NMBR: variants seen among roughly 807,000 people sequenced by gnomAD.
NMBR encodes neuromedin-B receptor.
A neutral mutation model predicts 20.5 loss-of-function variants in NMBR; 16 were observed. The observed-to-expected ratio is 0.78, with a 90% CI of 0.53 to 1.19. The LOEUF is 1.19. Ranked by LOEUF, NMBR falls within the 50% of genes most tolerant of loss-of-function variation. The pLI, the probability that NMBR is intolerant of heterozygous loss-of-function variation, is 0.00. For synonymous variants in NMBR, 212 were observed against 196.6 expected (o/e 1.08, Z -0.65); for missense variants, 582 against 499.1 (o/e 1.17, Z -1.58).
intron 1 of NMBR, among the ~76,000 whole-genome samples, chr6:142,098,773 C>A (rs1196267324): frequency 6.6e-6 from 1 of 152,142 alleles, no homozygotes; most frequent in African/African-American, 2.4e-5. Context: ...TCAATGCTAT[C>A]TTAATCATAA....
chr6:142,079,154 G>GAAAGAAAAA (rs1562390312), intron 2 of NMBR, among the ~76,000 whole-genome samples: 1 of 76,548 alleles, frequency 1.3e-5, no homozygotes, highest in African/African-American at 7.1e-5. Flanking sequence ...AAAGAAGAGA[G>GAAAGAAAAA]GAGAGGAGAG....
chr6:142,104,986 C>A (rs1453295852), intron 1 of NMBR, among the ~76,000 whole-genome samples: 1 of 151,816 alleles, frequency 6.6e-6, no homozygotes, highest in Non-Finnish European at 1.5e-5. Context: ...GTGGATCTTA[C>A]AAAGTACATT....
At chr6:142,081,132 T>C (rs1391404399) in intron 2 of NMBR, among the ~76,000 whole-genome samples, 2 of 152,138 alleles carry the variant, frequency 1.3e-5, no homozygotes, top group Admixed American at 1.3e-4. Flanking sequence ...TTTATTCAAA[T>C]GGTGGAAGGG....
intron 1 of NMBR, among the ~76,000 whole-genome samples, chr6:142,131,571 C>A (rs1582862112): frequency 6.6e-6 from 1 of 152,164 alleles, no homozygotes; most frequent in African/African-American, 2.4e-5. Flanking sequence ...CATTTGAGAT[C>A]AGTCTCACTA....
chr6:142,108,261 G>A (rs1777694969), intron 1 of NMBR, among the ~76,000 whole-genome samples: 1 of 151,950 alleles, frequency 6.6e-6, no homozygotes, highest in Non-Finnish European at 1.5e-5. Context: ...CAAACACAAA[G>A]AAACCTACAC....
At chr6:142,135,836 T>C (rs1562248247) in intron 1 of NMBR, among the ~76,000 whole-genome samples, 1 of 152,018 alleles carries the variant, frequency 6.6e-6, no homozygotes, top group Non-Finnish European at 1.5e-5. Flanking sequence ...CACCATTTTT[T>C]ATGGCTGCAT....
At chr6:142,133,384 G>A (rs1562247402) in intron 1 of NMBR, among the ~76,000 whole-genome samples, 1 of 152,154 alleles carries the variant, frequency 6.6e-6, no homozygotes, top group Non-Finnish European at 1.5e-5. Context: ...GTCTTTAGAT[G>A]TTGGTGTTTT....
chr6:142,123,740 C>T (rs1424553078), intron 1 of NMBR, among the ~76,000 whole-genome samples: 1 of 151,852 alleles, frequency 6.6e-6, no homozygotes, highest in Admixed American at 6.6e-5. Context: ...ATAAACCATT[C>T]AACTCTGACC....
At chr6:142,110,963 C>T (rs1048118429) in intron 1 of NMBR, among the ~76,000 whole-genome samples, 10 of 152,032 alleles carry the variant, frequency 6.6e-5, no homozygotes, top group Non-Finnish European at 1.0e-4. Flanking sequence ...ATACTGGCTG[C>T]GTGCGGTGGC....
chr6:142,088,481 C>A lies in NMBR; in HGVS notation c.178G>T (p.Gly60Cys). The A allele has an allele frequency of 6.2e-7, 1 of 1,613,996 alleles. No homozygotes were observed. ...AAGATCTTCACCAGCATGATGTTGC[C>A]CAGCAAGCCCACGGTGATGATGAGC... ...YLLIITVGLLGNIMLVKIFIT... is the reference protein window; with the variant it reads ...YLLIITVGLLCNIMLVKIFIT... The change falls in exon 2 of 4, where the codon GGC becomes TGC. Residue 60 changes from glycine to cysteine, a missense_variant. Physicochemically the swap from Gly to Cys is radical, Grantham distance 159 (BLOSUM62 -3). Transcript: ENST00000258042.
chr6:142,134,132 T>G (rs1000467756), intron 1 of NMBR: 3 of 511,790 alleles, frequency 5.9e-6, no homozygotes, highest in Non-Finnish European at 1.0e-5. Context: ...CCCTAACAGG[T>G]TTTTTGTTCC....
intron 2 of NMBR, among the ~76,000 whole-genome samples, chr6:142,081,756 G>A (rs1445826690): frequency 1.3e-5 from 2 of 152,180 alleles, no homozygotes; most frequent in Non-Finnish European, 2.9e-5. Flanking sequence ...GACATGTGGG[G>A]AAAAGTATCT....
intron 3 of NMBR, among the ~76,000 whole-genome samples, chr6:142,076,518 A>G (rs1466716805): frequency 1.3e-5 from 2 of 152,214 alleles, no homozygotes; most frequent in Non-Finnish European, 2.9e-5. Flanking sequence ...CAGGAAAACA[A>G]AATAGCAACT....
At chr6:142,110,186 T>C (rs932912902) in intron 1 of NMBR, among the ~76,000 whole-genome samples, 1 of 152,170 alleles carries the variant, frequency 6.6e-6, no homozygotes, top group Non-Finnish European at 1.5e-5. Flanking sequence ...AGGCTAAACA[T>C]AAAATTACTA....
chr6:142,112,317 T>C (rs1777780634), intron 1 of NMBR, among the ~76,000 whole-genome samples: 2 of 152,356 alleles, frequency 1.3e-5, no homozygotes, highest in East Asian at 1.9e-4. Context: ...ATCACCACAA[T>C]GTAATCTAGT....
At chr6:142,122,270 C>T (rs911917031) in intron 1 of NMBR, among the ~76,000 whole-genome samples, 1 of 151,940 alleles carries the variant, frequency 6.6e-6, no homozygotes, top group Non-Finnish European at 1.5e-5. Context: ...CTCTTCAGTC[C>T]TATGAAGGCT....
rs1324970869 is a variant in NMBR at position 142,078,819 on chromosome 6, C to T, written c.507G>A (p.Val169=). 8.7e-6 allele frequency: 14 copies of T among 1,613,782 alleles called. No homozygotes were observed. Among genetic ancestry groups the T allele is most frequent in the South Asian group, 1.1e-5 (1 of 91,052 alleles). ...CGGGAACTGCCAGCAACACGGAGAC[C>T]ACCCAGATACCCATGGCCTTCACAC... ...RTCVKAMGIW[V]VSVLLAVPEA... The change falls in exon 3 of 4, where the codon GTG becomes GTA. Residue 169 remains valine (V), a synonymous_variant. Coordinates refer to ENST00000258042, the MANE Select transcript of NMBR (RefSeq NM_002511.4).
At chr6:142,086,848 G>A (rs1304727484) in intron 2 of NMBR, among the ~76,000 whole-genome samples, 1 of 152,072 alleles carries the variant, frequency 6.6e-6, no homozygotes, top group Non-Finnish European at 1.5e-5. Context: ...CATGTCTTTA[G>A]AATAAAAGCA....
At chr6:142,079,505 T>G (rs1371646478) in intron 2 of NMBR, among the ~76,000 whole-genome samples, 1 of 152,216 alleles carries the variant, frequency 6.6e-6, no homozygotes, top group Non-Finnish European at 1.5e-5. Flanking sequence ...ATGTTACATC[T>G]ATCATAATGT....
Sources: allele counts gnomAD v4.1 joint callset (sites outside exome capture counted in the v4.1 genomes callset), GRCh38; gene constraint gnomAD v4.1.1; transcripts MANE v1.5; gene names NCBI Gene and HGNC (gene_info 2026-07-23, HGNC 2026-07-21).